IQCH: variants seen among roughly 807,000 people sequenced by gnomAD.
The protein encoded by IQCH is IQ domain-containing protein H.
A neutral mutation model predicts 117.0 loss-of-function variants in IQCH; 98 were observed. The ratio of observed to expected loss-of-function variants is 0.84; its 90% CI spans 0.71 to 0.99. The LOEUF is 0.99. Ranked by LOEUF, IQCH falls within the 50% of genes least tolerant of loss-of-function variation. IQCH has a pLI of 0.00. For missense variants in IQCH, 1,102 were observed against 1,243.8 expected, an observed-to-expected ratio of 0.89 and a Z score of 1.72; for synonymous variants, 412 against 448.2, an observed-to-expected ratio of 0.92 and a Z score of 1.02.
rs183970581 is a variant in IQCH at position 67,453,481 on chromosome 15, A to G, written c.2506-11646A>G. On this transcript the variant is annotated intron_variant, in intron 16 of 20. Coordinates refer to ENST00000335894, the MANE Select transcript of IQCH (RefSeq NM_001031715.3). This position sits in a 1 kb window ranked among gnomAD's most constrained non-coding sequence, Gnocchi z 5.8. ...AGCTGCAAGTCTGTTGGAGTTTGCT[A>G]GAAGTCCACTCCAGACACTGTTTGC... Among the ~76,000 whole-genome samples, 825 of 152,292 alleles carry G rather than the reference A, an allele frequency of 5.4e-3. 9 individuals are homozygous for G. The highest frequency in any genetic ancestry group is 0.019 in the African/African-American group (774 of 41,550).
At chr15:67,318,353 G>A (rs1967949846) in intron 4 of IQCH, among the ~76,000 whole-genome samples, 2 of 152,088 alleles carry the variant, frequency 1.3e-5, no homozygotes, top group South Asian at 2.1e-4. Flanking sequence ...GGGGACCTAT[G>A]TGAAGAAAAC....
rs868101354 is a variant in IQCH, at chr15:67,358,723, A to C, written c.715-1124A>C. ...AGTGGTCATGTTTACAGCTGCTCTC[A>C]TAAGAAAAGAAAGAAAGAGAAATTG... On this transcript the variant is annotated intron_variant, in intron 7 of 20. Transcript: ENST00000335894. Among the ~76,000 whole-genome samples, 12 of 152,242 alleles carry C rather than the reference A, an allele frequency of 7.9e-5. No individual in the cohort carries two copies. In the South Asian group the frequency reaches 8.3e-4, roughly 10 times the overall value.
chr15:67,375,445 AAATT>A (rs1970704477), intron 10 of IQCH, among the ~76,000 whole-genome samples: 2 of 151,802 alleles, frequency 1.3e-5, no homozygotes, highest in East Asian at 1.9e-4. Flanking sequence ...AAAATAAAAT[AAATT>A]AAGTGGGAGA....
chr15:67,296,342 G>GC (rs1414106177), intron 4 of IQCH, among the ~76,000 whole-genome samples: 4 of 152,166 alleles, frequency 2.6e-5, no homozygotes, highest in Non-Finnish European at 4.4e-5. Flanking sequence ...ATGCTCACTT[G>GC]CAGAGGTGGA....
In IQCH at chr15:67,381,180, G is replaced by C. The variant is rs1970916669; in HGVS notation, c.1373-3756G>C. Among the ~76,000 whole-genome samples, 1 of 152,218 alleles carries C rather than the reference G, an allele frequency of 6.6e-6. No homozygotes were observed. On this transcript the variant is annotated intron_variant, in intron 10 of 20. Transcript: ENST00000335894. The surrounding 1 kb of genome is among the most constrained non-coding windows in gnomAD (Gnocchi z 5.1). ...AAGCCAATCCTAGCAGAGCTAGTTT[G>C]CTGGATGCAAAGAGGCAATTAGTGT...
chr15:67,368,824 C>T (rs1049132500), intron 8 of IQCH, among the ~76,000 whole-genome samples: 1 of 152,102 alleles, frequency 6.6e-6, no homozygotes, highest in Non-Finnish European at 1.5e-5. Flanking sequence ...GAACATTTTT[C>T]ATAAAGACAT....
intron 18 of IQCH, among the ~76,000 whole-genome samples, chr15:67,489,719 A>T (rs570817467): frequency 4.6e-5 from 7 of 151,882 alleles, no homozygotes; most frequent in Admixed American, 2.0e-4. Context: ...AGTGCCTGCC[A>T]AGTCTTCTGA....
At chr15:67,268,204 G>A (rs1056226368) in intron 3 of IQCH, among the ~76,000 whole-genome samples, 8 of 152,176 alleles carry the variant, frequency 5.3e-5, no homozygotes, top group African/African-American at 1.7e-4. Flanking sequence ...AAATCTGGTC[G>A]TTTTGTCTGG....
chr15:67,399,201 C>G (rs550678071), intron 13 of IQCH, among the ~76,000 whole-genome samples: 1 of 152,268 alleles, frequency 6.6e-6, no homozygotes, highest in South Asian at 2.1e-4. Context: ...CTCTGCTACT[C>G]AATGCTGTGT....
At chr15:67,400,885 A>C (rs1971634129) in intron 14 of IQCH, among the ~76,000 whole-genome samples, 1 of 152,106 alleles carries the variant, frequency 6.6e-6, no homozygotes, top group African/African-American at 2.4e-5. Flanking sequence ...TTTTTTTATC[A>C]CATTCAGGTA....
chr15:67,261,193 C>A, intron 1 of IQCH, 79 bp from the exon 2 acceptor site: 1 of 1,033,996 alleles, frequency 9.7e-7, no homozygotes, highest in South Asian at 2.0e-5. Flanking sequence ...AAGTACATTG[C>A]AAACCTTTAA....
intron 1 of IQCH, chr15:67,255,193 G>A (rs1267669107): frequency 3.6e-6 from 2 of 562,244 alleles, no homozygotes; most frequent in Non-Finnish European, 3.2e-6. Context: ...CTCTAAAACC[G>A]TTCACCCGGA....
intron 16 of IQCH, among the ~76,000 whole-genome samples, chr15:67,438,940 C>T (rs1473011699): frequency 2.0e-5 from 3 of 152,166 alleles, no homozygotes; most frequent in African/African-American, 7.2e-5. Flanking sequence ...ATAAGATAGA[C>T]AGCAAAGCAA....
rs969239692 is a variant in IQCH, at chr15:67,494,949, A to G, written c.2970+583A>G. ...GTTGGTCTATCAAATCCAGTTGTGTATAATTGACTAGAAGTCTCCAAACTG... is the reference window on the plus strand; with the variant it reads ...GTTGGTCTATCAAATCCAGTTGTGTGTAATTGACTAGAAGTCTCCAAACTG... On this transcript the variant is annotated intron_variant, in intron 20 of 20. Coordinates refer to ENST00000335894, the MANE Select transcript of IQCH (RefSeq NM_001031715.3). The surrounding 1 kb of genome is among the most constrained non-coding windows in gnomAD (Gnocchi z 5.5). Among the ~76,000 whole-genome samples the G allele has an allele frequency of 6.6e-6, 1 of 152,214 alleles. No homozygotes were observed. The highest frequency in any genetic ancestry group is 2.4e-5 in the African/African-American group (1 of 41,452).
chr15:67,438,576 G>T (rs1192141507), intron 16 of IQCH, among the ~76,000 whole-genome samples: 1 of 152,182 alleles, frequency 6.6e-6, no homozygotes, highest in African/African-American at 2.4e-5. Context: ...TACTAACATT[G>T]AATGTAAATA....
Position 67,372,386 on chromosome 15 carries a change from C to G in IQCH, c.1029C>G (p.Leu343=). ...ATAAACTTACCAGATATGACCTTCT[C>G]TCAGTGTTAGAGGACCCAGCTCATG... ...LTNKLTRYDL[L]SVLEDPAHVQ... Residue 343 remains leucine, a synonymous_variant, in exon 9 of 21, where the codon CTC becomes CTG. Coordinates refer to ENST00000335894, the MANE Select transcript of IQCH (RefSeq NM_001031715.3). 2 of 1,614,140 alleles carry G rather than the reference C, an allele frequency of 1.2e-6. No individual in the cohort carries two copies. Among genetic ancestry groups the G allele is most frequent in the Non-Finnish European group, 1.7e-6 (2 of 1,180,018 alleles).
rs1016863450 is a variant in IQCH, at chr15:67,411,798, C to T, written c.2098-5133C>T. 1.3e-5 allele frequency among the ~76,000 whole-genome samples: 2 copies of T among 152,190 alleles called. No homozygotes were observed. The highest frequency in any genetic ancestry group is 4.8e-5 in the African/African-American group (2 of 41,442). ...AGTGCAATGGAGAGTCTACTGGCTT[C>T]CCCTAAGATATCCTGAATTTCATTC... is the stretch of plus-strand genomic sequence containing the variant. On this transcript the variant is annotated intron_variant, in intron 14 of 20. Transcript: ENST00000335894. The surrounding 1 kb of genome is among the most constrained non-coding windows in gnomAD (Gnocchi z 4.4).
intron 18 of IQCH, among the ~76,000 whole-genome samples, chr15:67,487,587 G>C: frequency 6.6e-6 from 1 of 151,744 alleles, no homozygotes; most frequent in East Asian, 1.9e-4. Flanking sequence ...TTTTTCCTTT[G>C]CCTTGGGCTC....
At chr15:67,308,530 CTG>C (rs1372942518) in intron 4 of IQCH, among the ~76,000 whole-genome samples, 1 of 152,096 alleles carries the variant, frequency 6.6e-6, no homozygotes, top group Non-Finnish European at 1.5e-5. Context: ...CACCCAAGGA[CTG>C]TGGTGGCATG....
Sources: gnomAD v4.1 joint callset for allele counts (sites outside exome capture counted in the v4.1 genomes callset) on GRCh38, gnomAD v4.1.1 for gene constraint, Gnocchi (gnomAD v3.1) non-coding constraint, MANE v1.5 for transcripts, NCBI Gene and HGNC (gene_info 2026-07-23, HGNC 2026-07-21) for gene names.